The following RXFP1 variants were observed in gnomAD, a reference collection of about 807,000 sequenced individuals.
RXFP1 encodes relaxin receptor 1.
Under a neutral mutation model 89.8 loss-of-function variants are expected in RXFP1, and 73 were observed. The ratio of observed to expected loss-of-function variants is 0.81; its 90% CI spans 0.67 to 0.99. RXFP1 has a LOEUF of 0.99. Ranked by LOEUF, RXFP1 falls within the 50% of genes least tolerant of loss-of-function variation. The probability of loss-of-function intolerance (pLI) is 0.00; values close to 1 mark genes in which losing one functional copy is unlikely to be tolerated. For missense variants in RXFP1, 793 were observed against 895.5 expected, an observed-to-expected ratio of 0.89 and a Z score of 1.46; for synonymous variants, 277 against 305.5, an observed-to-expected ratio of 0.91 and a Z score of 0.97.
chr4:158,586,667 A>G (rs1218006439), intron 2 of RXFP1, among the ~76,000 whole-genome samples: 2 of 152,238 alleles, frequency 1.3e-5, no homozygotes, highest in Non-Finnish European at 2.9e-5. Context: ...AATTTTGGCA[A>G]CATTTCCCAT....
chr4:158,522,547 G>GA (rs1741441156), intron 1 of RXFP1, among the ~76,000 whole-genome samples: 1 of 152,104 alleles, frequency 6.6e-6, no homozygotes, highest in South Asian at 2.1e-4. Context: ...ACAAAGCAAT[G>GA]AAAAACATAG....
At chr4:158,649,489 G>A (rs1772211949) in intron 17 of RXFP1, among the ~76,000 whole-genome samples, 2 of 152,076 alleles carry the variant, frequency 1.3e-5, no homozygotes, top group African/African-American at 4.8e-5. Flanking sequence ...CCTCACGCCT[G>A]TAATCTGGCA....
intron 1 of RXFP1, among the ~76,000 whole-genome samples, chr4:158,547,877 G>T (rs1006201459): frequency 5.9e-5 from 9 of 152,218 alleles, no homozygotes; most frequent in African/African-American, 1.4e-4. Context: ...CAACTATGTG[G>T]TCAATTTTGG....
intron 10 of RXFP1, among the ~76,000 whole-genome samples, chr4:158,628,021 G>C (rs1194112085): frequency 6.6e-6 from 1 of 152,060 alleles, no homozygotes; most frequent in East Asian, 1.9e-4. Context: ...GAAATAAATG[G>C]GAAAGGACAA....
intron 2 of RXFP1, among the ~76,000 whole-genome samples, chr4:158,591,537 C>T (rs564074535): frequency 6.0e-5 from 9 of 149,572 alleles, no homozygotes; most frequent in African/African-American, 2.2e-4. Flanking sequence ...TCACCTCACC[C>T]GAGAAGTTCA....
Position 158,648,654 on chromosome 4 carries a change from G to A in RXFP1, c.1912G>A (p.Ala638Thr), listed in dbSNP as rs1466454462. The A allele has an allele frequency of 1.4e-5, 23 of 1,612,652 alleles. No individual in the cohort carries two copies. Among genetic ancestry groups the A allele is most frequent in the Non-Finnish European group, 1.8e-5 (21 of 1,179,398 alleles). Residue 638 changes from alanine to threonine, a missense_variant, in exon 17 of 18, where the codon GCA becomes ACA. Physicochemically the swap from Ala to Thr is moderately conservative, Grantham distance 58. Transcript: ENST00000307765. The part of the protein sequence containing the change: ...KRFFFIVFTD[A>T]LCWIPIFVVK... ...TTTTTTCTTTATAGTATTTACTGAT[G>A]CATTATGCTGGATACCCATTTTTGT... is the stretch of plus-strand genomic sequence containing the variant.
intron 1 of RXFP1, among the ~76,000 whole-genome samples, chr4:158,561,336 A>G (rs1408260445): frequency 6.6e-6 from 1 of 152,260 alleles, no homozygotes; most frequent in African/African-American, 2.4e-5. Context: ...AAGATGCCAC[A>G]GTGGAAAATT....
chr4:158,544,584 G>C (rs1329266500), intron 1 of RXFP1, among the ~76,000 whole-genome samples: 2 of 151,998 alleles, frequency 1.3e-5, no homozygotes, highest in Non-Finnish European at 2.9e-5. Context: ...ATACCCTAAT[G>C]CTATCCCTCC....
intron 11 of RXFP1, among the ~76,000 whole-genome samples, chr4:158,631,612 G>T (rs1307210276): frequency 6.6e-6 from 1 of 152,158 alleles, no homozygotes; most frequent in Non-Finnish European, 1.5e-5. Flanking sequence ...GGGCTCAGAG[G>T]TTAAACAGAG....
At chr4:158,587,186 T>G (rs560927821) in intron 2 of RXFP1, among the ~76,000 whole-genome samples, 29 of 152,268 alleles carry the variant, frequency 1.9e-4, no homozygotes, top group African/African-American at 7.0e-4. Context: ...GGCTGCAAGG[T>G]CGAAGCCTTC....
At chr4:158,643,244 A>T (rs12331309) in intron 14 of RXFP1, among the ~76,000 whole-genome samples, 5,703 of 152,036 alleles carry the variant, frequency 0.038, 328 homozygotes, top group African/African-American at 0.13. Context: ...CTGCAGCTTA[A>T]TTTTTCAGGC....
chr4:158,558,607 A>AATATATAT (rs1751814328), intron 1 of RXFP1, among the ~76,000 whole-genome samples: 1 of 152,218 alleles, frequency 6.6e-6, no homozygotes, highest in Non-Finnish European at 1.5e-5. Flanking sequence ...AGTCTTAAGC[A>AATATATAT]AGGTATATAT....
At chr4:158,551,496 T>A (rs1750099790) in intron 1 of RXFP1, among the ~76,000 whole-genome samples, 1 of 151,882 alleles carries the variant, frequency 6.6e-6, no homozygotes, top group African/African-American at 2.4e-5. Context: ...GAGTAGATTT[T>A]AAATGTTCTC....
chr4:158,642,178 A>C (rs562061446), intron 14 of RXFP1, among the ~76,000 whole-genome samples: 58 of 152,268 alleles, frequency 3.8e-4, no homozygotes, highest in Non-Finnish European at 7.9e-4. Context: ...GACAAATAAT[A>C]ATTGCACATC....
chr4:158,545,204 A>G (rs1435857520), intron 1 of RXFP1, among the ~76,000 whole-genome samples: 4 of 151,676 alleles, frequency 2.6e-5, no homozygotes, highest in South Asian at 2.1e-4. Context: ...GCCAGTGATG[A>G]TGAGCATTTT....
rs549508112 is a variant in RXFP1, at chr4:158,534,078, T to C, written c.49+12053T>C. Among the ~76,000 whole-genome samples, 4 of 152,284 alleles carry C rather than the reference T, an allele frequency of 2.6e-5. No homozygotes were observed. In the South Asian group the frequency reaches 8.3e-4, roughly 32 times the overall value. ...AGTCTCACATGACAATCTTACCCCC[T>C]AGAAACTACTCGATCACGTTCTTCT... On this transcript the variant is annotated intron_variant, in intron 1 of 17. Transcript: ENST00000307765.
intron 2 of RXFP1, among the ~76,000 whole-genome samples, chr4:158,575,216 C>G (rs1755947109): frequency 6.6e-6 from 1 of 152,154 alleles, no homozygotes; most frequent in Admixed American, 6.5e-5. Context: ...TAAAATCATG[C>G]AAGTTTCTCA....
At chr4:158,571,263 A>G (rs1037449177) in intron 1 of RXFP1, among the ~76,000 whole-genome samples, 1 of 152,322 alleles carries the variant, frequency 6.6e-6, no homozygotes, top group South Asian at 2.1e-4. Context: ...ACACTTAGCA[A>G]CTATCCAATA....
At chr4:158,619,241 A>G (rs927317660) in intron 9 of RXFP1, among the ~76,000 whole-genome samples, 3 of 152,182 alleles carry the variant, frequency 2.0e-5, no homozygotes, top group Non-Finnish European at 4.4e-5. Context: ...TATAATACTG[A>G]TTAAGATATA....
Sources: allele counts gnomAD v4.1 joint callset (sites outside exome capture counted in the v4.1 genomes callset), GRCh38; gene constraint gnomAD v4.1.1; transcripts MANE v1.5; gene names NCBI Gene and HGNC (gene_info 2026-07-23, HGNC 2026-07-21).